CT45A1: variants seen among roughly 807,000 people sequenced by gnomAD.
The protein encoded by CT45A1 is cancer/testis antigen family 45 member A1.
chrX:135,717,236 C>A (rs2087994559), intron 1 of CT45A1, among the ~76,000 whole-genome samples: 1 of 111,301 alleles, frequency 9.0e-6, no homozygotes, highest in African/African-American at 3.3e-5. Flanking sequence ...ACAATAATGT[C>A]TTTTAATAAT....
chrX:135,717,105 C>T (rs1387945313), intron 1 of CT45A1, among the ~76,000 whole-genome samples: 1 of 111,709 alleles, frequency 9.0e-6, no homozygotes, highest in Non-Finnish European at 1.9e-5. Context: ...AAAAACTTGG[C>T]TTTTCCAAAT....
At chrX:135,711,744 A>G (rs1432817564), upstream of CT45A1, among the ~76,000 whole-genome samples, 8 of 112,313 alleles carry the variant, frequency 7.1e-5, no homozygotes, top group Non-Finnish European at 1.1e-4. Context: ...TGCCACTATG[A>G]ACAATTCAAG....
intron 1 of CT45A1, among the ~76,000 whole-genome samples, chrX:135,715,353 C>CTTAT (rs2087973770): frequency 4.0e-4 from 22 of 54,547 alleles, no homozygotes; most frequent in Non-Finnish European, 5.8e-4. Context: ...ATAATACTTA[C>CTTAT]ATATAATACT....
chrX:135,715,290 TATA>T (rs2087971399), intron 1 of CT45A1, among the ~76,000 whole-genome samples: 1 of 84,914 alleles, frequency 1.2e-5, no homozygotes, highest in East Asian at 3.6e-4. Flanking sequence ...TACTTATATA[TATA>T]ATACTTATAT....
At chrX:135,714,775 A>T (rs1316690193) in intron 1 of CT45A1, among the ~76,000 whole-genome samples, 2 of 108,601 alleles carry the variant, frequency 1.8e-5, no homozygotes, top group African/African-American at 6.7e-5. Context: ...GTCTTTTGAG[A>T]TGAGGTCTCC....
At chrX:135,715,758 G>A (rs2087984149) in intron 1 of CT45A1, among the ~76,000 whole-genome samples, 1 of 105,477 alleles carries the variant, frequency 9.5e-6, no homozygotes, top group Admixed American at 1.1e-4. Flanking sequence ...AGAACGTGCA[G>A]GTTTGTTACA....
At chrX:135,715,258 TATA>T (rs1394729521) in intron 1 of CT45A1, among the ~76,000 whole-genome samples, 2 of 87,127 alleles carry the variant, frequency 2.3e-5, no homozygotes, top group Non-Finnish European at 4.2e-5. Flanking sequence ...CTTATATATA[TATA>T]ATACTTATAT....
upstream of CT45A1, among the ~76,000 whole-genome samples, chrX:135,712,982 C>CT (rs1556570114): frequency 8.0e-4 from 6 of 7,491 alleles, no homozygotes; most frequent in African/African-American, 6.3e-3. Flanking sequence ...TCTTTTCTTT[C>CT]TCCTTCCTTC....
chrX:135,712,933 C>CTTTT (rs1192137434), upstream of CT45A1, among the ~76,000 whole-genome samples: 1 of 81,918 alleles, frequency 1.2e-5, no homozygotes, highest in Non-Finnish European at 2.3e-5. Context: ...CTTTTCTTTT[C>CTTTT]TTTTTTTCTT....
intron 1 of CT45A1, among the ~76,000 whole-genome samples, chrX:135,714,130 T>G (rs2148032519): frequency 9.2e-6 from 1 of 109,025 alleles, no homozygotes; most frequent in East Asian, 2.9e-4. Flanking sequence ...GGGGTGGCTG[T>G]GTCCCAGACG....
chrX:135,711,937 C>T (rs1285475077), upstream of CT45A1, among the ~76,000 whole-genome samples: 5 of 109,455 alleles, frequency 4.6e-5, no homozygotes, highest in Admixed American at 9.8e-5. Flanking sequence ...AAAAATTAGC[C>T]GGGCATGGTG....
chrX:135,712,887 GTTTC>G (rs1250601290), upstream of CT45A1, among the ~76,000 whole-genome samples: 152 of 108,643 alleles, frequency 1.4e-3, 3 homozygotes, highest in Admixed American at 2.9e-3. Flanking sequence ...TGATGTTGTC[GTTTC>G]TTTCTTTCTT....
chrX:135,715,571 A>C (rs1241260084), intron 1 of CT45A1, among the ~76,000 whole-genome samples: 1 of 89,969 alleles, frequency 1.1e-5, no homozygotes, highest in Non-Finnish European at 2.1e-5. Context: ...TAATACTTAT[A>C]TATATAATAC....
chrX:135,719,295 T>TC (rs1400324965), intron 2 of CT45A1, among the ~76,000 whole-genome samples, 186 bp downstream of exon 2: 1 of 49,385 alleles, frequency 2.0e-5, no homozygotes, highest in African/African-American at 1.0e-4. Flanking sequence ...CTTTTTTTTT[T>TC]TTAATTTCTT....
chrX:135,712,055 T>C (rs1377019785), upstream of CT45A1, among the ~76,000 whole-genome samples: 1 of 108,927 alleles, frequency 9.2e-6, no homozygotes, highest in African/African-American at 3.3e-5. Context: ...CACTCCAGCC[T>C]AGGTGACAGA....
At chrX:135,715,372 T>TAATACTTATATATAATACTTATATATAG in intron 1 of CT45A1, among the ~76,000 whole-genome samples, 1 of 70,142 alleles carries the variant, frequency 1.4e-5, no homozygotes, top group South Asian at 6.0e-4. Flanking sequence ...CTTATATATA[T>TAATACTTATATATAATACTTATATATAG]AATACTTATA....
chrX:135,712,906 CTT>C (rs1453885540), upstream of CT45A1, among the ~76,000 whole-genome samples: 3 of 105,766 alleles, frequency 2.8e-5, no homozygotes, highest in East Asian at 9.3e-4. Flanking sequence ...TTTCTTTCTT[CTT>C]TCTTTCTTTC....
chrX:135,712,998 T>TTC (rs782155348), upstream of CT45A1, among the ~76,000 whole-genome samples: 60 of 15,237 alleles, frequency 3.9e-3, 1 homozygote, highest in South Asian at 0.019. Context: ...CCTTCCTTCC[T>TTC]CTCTCTCTCT....
chrX:135,708,698 G>C (rs1193125418), upstream of CT45A1, among the ~76,000 whole-genome samples: 1 of 111,714 alleles, frequency 9.0e-6, no homozygotes, highest in African/African-American at 3.3e-5. Context: ...AGAAAGGCAA[G>C]ATGTAGGAAC....
Sources: gnomAD v4.1 joint callset for allele counts (sites outside exome capture counted in the v4.1 genomes callset) on GRCh38, gnomAD v4.1.1 for gene constraint, MANE v1.5 for transcripts, NCBI Gene and HGNC (gene_info 2026-07-23, HGNC 2026-07-21) for gene names.